Variants in ECD observed in about 807,000 individuals in gnomAD.
The protein encoded by ECD is ecdysoneless cell cycle regulator.
Under a neutral mutation model 77.2 loss-of-function variants are expected in ECD, and 59 were observed. The observed-to-expected ratio is 0.76, with a 90% confidence interval of 0.62 to 0.95. The LOEUF (loss-of-function observed/expected upper bound fraction) is 0.95, where lower values mean the gene tolerates loss of function less well. ECD is among the 40% of genes least tolerant of loss of function. The probability of loss-of-function intolerance (pLI) is 0.00; values close to 1 mark genes in which losing one functional copy is unlikely to be tolerated. For synonymous variants in ECD, 233 were observed against 267.4 expected, an observed-to-expected ratio of 0.87 and a Z score of 1.26; for missense variants, 704 against 763.4, an observed-to-expected ratio of 0.92 and a Z score of 0.92.
chr10:73,159,713 G>A (rs958912274), intron 3 of ECD, among the ~76,000 whole-genome samples: 69 of 145,558 alleles, frequency 4.7e-4, no homozygotes, highest in African/African-American at 1.7e-3. Flanking sequence ...GCGCGATCTC[G>A]GCTCACCGCA....
chr10:73,143,641 G>A (rs750545433), intron 9 of ECD, among the ~76,000 whole-genome samples: 5 of 152,106 alleles, frequency 3.3e-5, no homozygotes, highest in Admixed American at 2.0e-4. Flanking sequence ...ACATCATGGA[G>A]AATGGGGTAT....
At chr10:73,143,658 T>C (rs1308249622) in intron 9 of ECD, among the ~76,000 whole-genome samples, 1 of 152,116 alleles carries the variant, frequency 6.6e-6, no homozygotes, top group African/African-American at 2.4e-5. Flanking sequence ...GTATCCATCC[T>C]CTCAAGCATT....
At chr10:73,144,422 C>T (rs1843098024) in intron 9 of ECD, among the ~76,000 whole-genome samples, 1 of 151,916 alleles carries the variant, frequency 6.6e-6, no homozygotes, top group Non-Finnish European at 1.5e-5. Flanking sequence ...CCCAGGAGGT[C>T]AAGATTGCAA....
In ECD at chr10:73,137,798, T is replaced by C. The variant is rs1370554396; in HGVS notation, c.1489+205A>G. On this transcript the variant is annotated intron_variant, in intron 12 of 13. Coordinates refer to ENST00000372979, the MANE Select transcript of ECD (RefSeq NM_007265.3). ...CTCAAAAAAAAAAAAAAAAAATTAATGAGCAGCTACTATATATGTCAAACA... is the reference window on the plus strand; with the variant it reads ...CTCAAAAAAAAAAAAAAAAAATTAACGAGCAGCTACTATATATGTCAAACA... Among the ~76,000 whole-genome samples, 3 of 147,852 alleles carry C rather than the reference T, an allele frequency of 2.0e-5. 1 individual carries two copies. In the South Asian group the frequency reaches 6.4e-4, roughly 32 times the overall value.
chr10:73,146,638 C>G (rs1240772745), intron 8 of ECD, among the ~76,000 whole-genome samples: 4 of 152,104 alleles, frequency 2.6e-5, no homozygotes, highest in Admixed American at 6.6e-5. Context: ...TACTTAATTA[C>G]TTATTAAGAT....
chr10:73,159,619 T>C (rs1008639525), intron 3 of ECD, among the ~76,000 whole-genome samples: 1 of 151,846 alleles, frequency 6.6e-6, no homozygotes, highest in Non-Finnish European at 1.5e-5. Context: ...CTTTTGGAAG[T>C]TGAACTCTTT....
At chr10:73,164,672 T>C (rs905505880) in intron 1 of ECD, among the ~76,000 whole-genome samples, 14 of 152,256 alleles carry the variant, frequency 9.2e-5, no homozygotes, top group African/African-American at 2.9e-4. Context: ...GGTTTTGCCA[T>C]ATTGCCCAGG....
chr10:73,147,055 T>C (rs540558539), intron 8 of ECD, among the ~76,000 whole-genome samples: 8 of 151,852 alleles, frequency 5.3e-5, no homozygotes, highest in Non-Finnish European at 7.4e-5. Flanking sequence ...CTGGGCAACA[T>C]AGCAAGACTT....
chr10:73,160,658 G>T, intron 2 of ECD, 107 bp from the exon 3 acceptor site: 1 of 763,584 alleles, frequency 1.3e-6, no homozygotes, highest in Non-Finnish European at 2.0e-6. Flanking sequence ...ATTGCTCTAA[G>T]TACTGGGGAG....
At chr10:73,139,893 A>G (rs921014649) in intron 9 of ECD, among the ~76,000 whole-genome samples, 156 bp from the exon 10 acceptor site, 2 of 147,310 alleles carry the variant, frequency 1.4e-5, no homozygotes, top group African/African-American at 5.1e-5. Context: ...ATTGTTGCCC[A>G]GAATGGACTC....
intron 9 of ECD, 108 bp from the exon 10 acceptor site, chr10:73,139,845 G>T: frequency 4.6e-6 from 3 of 654,444 alleles, no homozygotes; most frequent in Non-Finnish European, 7.0e-6. Flanking sequence ...CTAATTTGGG[G>T]AGTGTTTTTT....
intron 6 of ECD, among the ~76,000 whole-genome samples, chr10:73,153,723 C>G (rs528836600): frequency 2.9e-4 from 23 of 78,986 alleles, no homozygotes; most frequent in African/African-American, 1.3e-3. Context: ...GAGACTCTGT[C>G]TCAAAAAAAA....
Position 73,156,610 on chromosome 10 carries a change from G to A in ECD, c.369C>T (p.Asp123=), listed in dbSNP as rs762743642. ...DGEFLLIEAA[D]FLPKWLDPEN... ...CAGGATCCAGCCATTTAGGGAGAAA[G>A]TCAGCAGCTTCTATTAACAAGAATT... The change falls in exon 4 of 14, where the codon GAC becomes GAT. Residue 123 remains aspartate (D), a synonymous_variant. Transcript: ENST00000372979. 6.2e-7 allele frequency: 1 copy of A among 1,614,020 alleles called. No individual in the cohort carries two copies. The highest frequency in any genetic ancestry group is 1.1e-5 in the South Asian group (1 of 91,068).
rs1368483213 is a variant in ECD at position 73,152,441 on chromosome 10, A to G, written c.784-20T>C. The G allele has an allele frequency of 1.9e-6, 3 of 1,604,512 alleles. No individual in the cohort carries two copies. Among genetic ancestry groups the G allele is most frequent in the African/African-American group, 2.7e-5 (2 of 74,780 alleles). ...TGTGACCTGGGCATCAAGACACAAA[A>G]TACATGAGTCTTTTCCTGAAATTAA... On this transcript the variant is annotated intron_variant, in intron 6 of 13. Transcript: ENST00000372979.
intron 3 of ECD, among the ~76,000 whole-genome samples, 186 bp downstream of exon 3, chr10:73,160,248 T>G (rs1317473298): frequency 1.3e-5 from 2 of 149,242 alleles, no homozygotes; most frequent in Admixed American, 1.3e-4. Context: ...ATCACACCAC[T>G]GCACTCCAGC....
intron 6 of ECD, 118 bp from the exon 7 acceptor site, chr10:73,152,539 A>G: frequency 8.3e-7 from 1 of 1,206,784 alleles, no homozygotes; most frequent in Non-Finnish European, 1.1e-6. Context: ...TATGAAATGC[A>G]AAGAAGATTC....
chr10:73,134,787 G>A lies in ECD; in HGVS notation c.1731C>T (p.Asn577=). ...TACCAGAATCTTCCTCATCTGAATT[G>A]TTATCGGTAGTCTGGGATACAGGTT... is the stretch of plus-strand genomic sequence containing the variant. The part of the protein sequence containing the change: ...QVEPVSQTTD[N]NSDEEDSGTG... Residue 577 remains asparagine (N), a synonymous_variant, in exon 14 of 14, where the codon AAC becomes AAT. Transcript: ENST00000372979. 1.2e-6 allele frequency: 2 copies of A among 1,614,104 alleles called. No individual in the cohort carries two copies. Among genetic ancestry groups the A allele is most frequent in the Non-Finnish European group, 1.7e-6 (2 of 1,180,010 alleles).
At chr10:73,167,311 A>G (rs12259758) in intron 1 of ECD, among the ~76,000 whole-genome samples, 23,976 of 151,926 alleles carry the variant, frequency 0.16, 3,151 homozygotes, top group African/African-American at 0.34. Flanking sequence ...AAATTTTAGG[A>G]TCTTTTTTCT....
At chr10:73,154,858 C>T (rs957215301) in intron 5 of ECD, among the ~76,000 whole-genome samples, 7 of 151,696 alleles carry the variant, frequency 4.6e-5, no homozygotes, top group Non-Finnish European at 4.4e-5. Context: ...CGCTTGAACC[C>T]GGGAGGCAGA....
Sources: gnomAD v4.1 joint callset for allele counts (sites outside exome capture counted in the v4.1 genomes callset) on GRCh38, gnomAD v4.1.1 for gene constraint, MANE v1.5 for transcripts, NCBI Gene and HGNC (gene_info 2026-07-23, HGNC 2026-07-21) for gene names.